TXLNB: variants seen among roughly 807,000 people sequenced by gnomAD.
TXLNB encodes the protein taxilin beta.
Under a neutral mutation model 57.4 loss-of-function variants are expected in TXLNB, and 37 were observed. That is an observed-to-expected ratio of 0.64 (90% CI 0.50 to 0.85). The LOEUF is 0.85. TXLNB is among the 40% of genes least tolerant of loss of function. TXLNB has a pLI of 0.00. For synonymous variants in TXLNB, 302 were observed against 309.6 expected (o/e 0.98, Z 0.26); for missense variants, 848 against 825.6 (o/e 1.03, Z -0.33).
chr6:139,249,296 AAG>A (rs1562273243), intron 7 of TXLNB, among the ~76,000 whole-genome samples: 1 of 152,224 alleles, frequency 6.6e-6, no homozygotes, highest in African/African-American at 2.4e-5. Flanking sequence ...TGTTTTGAAT[AAG>A]AGAGGATTTA....
intron 4 of TXLNB, among the ~76,000 whole-genome samples, chr6:139,263,305 A>T (rs1475919205): frequency 6.6e-6 from 1 of 152,234 alleles, no homozygotes; most frequent in Non-Finnish European, 1.5e-5. Context: ...CTTTCATCAA[A>T]AAGCTTTAAA....
chr6:139,215,470 T>C, the TXLNB span, among the ~76,000 whole-genome samples: 1 of 152,176 alleles, frequency 6.6e-6, no homozygotes, highest in Non-Finnish European at 1.5e-5. Flanking sequence ...TATACAAAAA[T>C]TAATTCAAGA....
chr6:139,168,886 A>T, the TXLNB span, among the ~76,000 whole-genome samples: 25 of 152,172 alleles, frequency 1.6e-4, no homozygotes. Flanking sequence ...AATTTTGAAG[A>T]CATTTCTTTA....
downstream of TXLNB, among the ~76,000 whole-genome samples, chr6:139,238,115 C>A (rs1308208650): frequency 2.6e-5 from 4 of 152,130 alleles, no homozygotes. Context: ...GGTGTAAGCC[C>A]AGGCATGGTG....
At chr6:139,312,514 C>T in the TXLNB span, among the ~76,000 whole-genome samples, 204 of 152,250 alleles carry the variant, frequency 1.3e-3, no homozygotes, top group African/African-American at 4.6e-3. Flanking sequence ...CATTTGGGTA[C>T]CTTGCCTCAA....
the TXLNB span, among the ~76,000 whole-genome samples, chr6:139,224,441 G>C: frequency 6.6e-6 from 1 of 151,048 alleles, no homozygotes; most frequent in Non-Finnish European, 1.5e-5. Context: ...AAAACTTAAA[G>C]TATAATAATA....
intron 8 of TXLNB, 108 bp from the exon 9 acceptor site, chr6:139,244,798 G>A: frequency 1.4e-6 from 1 of 715,712 alleles, no homozygotes; most frequent in Non-Finnish European, 2.5e-6. Flanking sequence ...ACCAGATGCT[G>A]AAGCAAACAA....
chr6:139,280,919 C>A (rs1336577596), intron 2 of TXLNB, among the ~76,000 whole-genome samples: 1 of 152,032 alleles, frequency 6.6e-6, no homozygotes, highest in East Asian at 1.9e-4. Flanking sequence ...CTATAGATAT[C>A]TTTTAAGGGA....
chr6:139,163,580 C>T, the TXLNB span, among the ~76,000 whole-genome samples: 1 of 152,230 alleles, frequency 6.6e-6, no homozygotes, highest in East Asian at 1.9e-4. Context: ...TATCGAACTC[C>T]TGACCTCAGG....
chr6:139,170,253 G>A, the TXLNB span: 2 of 152,190 alleles, frequency 1.3e-5, no homozygotes, highest in African/African-American at 4.8e-5. Context: ...TTATTGTCAT[G>A]TAATCCATTC....
At chr6:139,188,824 G>T in the TXLNB span, among the ~76,000 whole-genome samples, 4 of 149,838 alleles carry the variant, frequency 2.7e-5, no homozygotes, top group African/African-American at 1.0e-4. Flanking sequence ...GCATGATCTC[G>T]GCTCACTGCA....
the TXLNB span, among the ~76,000 whole-genome samples, chr6:139,216,025 G>A: frequency 3.9e-5 from 6 of 152,192 alleles, no homozygotes; most frequent in South Asian, 1.2e-3. Context: ...CACTGTTGGT[G>A]AGACTGTAAA....
intron 2 of TXLNB, among the ~76,000 whole-genome samples, chr6:139,277,923 C>T (rs1483730785): frequency 6.6e-6 from 1 of 152,152 alleles, no homozygotes; most frequent in Admixed American, 6.5e-5. Flanking sequence ...GGCTAGAGTA[C>T]TTGCTTTCAT....
the TXLNB span, among the ~76,000 whole-genome samples, chr6:139,312,888 T>G: frequency 6.6e-6 from 1 of 152,166 alleles, no homozygotes; most frequent in Non-Finnish European, 1.5e-5. Flanking sequence ...GCACAACAAA[T>G]CTTACCCTTG....
the TXLNB span, among the ~76,000 whole-genome samples, chr6:139,164,895 G>A: frequency 1.4e-5 from 2 of 148,062 alleles, no homozygotes; most frequent in African/African-American, 5.0e-5. Flanking sequence ...CTCCCAGTTT[G>A]GCCCCACATT....
At chr6:139,293,312 G>A (rs1388182243), upstream of TXLNB, among the ~76,000 whole-genome samples, 5 of 151,988 alleles carry the variant, frequency 3.3e-5, no homozygotes, top group Admixed American at 6.6e-5. Flanking sequence ...GGCTGGTCTC[G>A]AACTCCTGAC....
At chr6:139,296,755 GAAAC>G (rs1336520893), upstream of TXLNB, among the ~76,000 whole-genome samples, 1 of 152,022 alleles carries the variant, frequency 6.6e-6, no homozygotes, top group African/African-American at 2.4e-5. Flanking sequence ...CTCCTAACTG[GAAAC>G]AAACAAGCCA....
chr6:139,250,130 T>A (rs1027687566), intron 7 of TXLNB, among the ~76,000 whole-genome samples: 2 of 150,120 alleles, frequency 1.3e-5, no homozygotes, highest in Non-Finnish European at 3.0e-5. Flanking sequence ...TCCTCCTGCA[T>A]CAGCCTCCAG....
chr6:139,267,467 C>T (rs1424838053), intron 4 of TXLNB, among the ~76,000 whole-genome samples: 1 of 151,984 alleles, frequency 6.6e-6, no homozygotes, highest in African/African-American at 2.4e-5. Context: ...AATCACAGAG[C>T]AACTACTAAA....
Sources: gnomAD v4.1 joint callset for allele counts (sites outside exome capture counted in the v4.1 genomes callset) on GRCh38, gnomAD v4.1.1 for gene constraint, MANE v1.5 for transcripts, NCBI Gene and HGNC (gene_info 2026-07-23, HGNC 2026-07-21) for gene names.